Variants in BMPER observed in about 807,000 individuals in gnomAD.
BMPER encodes the protein BMP-binding endothelial regulator protein.
In BMPER, 45 loss-of-function variants were observed where a neutral mutation model predicts 87.3. The ratio of observed to expected loss-of-function variants is 0.52; its 90% CI spans 0.41 to 0.66. BMPER has a LOEUF of 0.66. BMPER is among the 30% of genes least tolerant of loss of function. The pLI, the probability that BMPER is intolerant of heterozygous loss-of-function variation, is 0.00. For missense variants in BMPER, 784 were observed against 867.5 expected (o/e 0.90, Z 1.21); for synonymous variants, 326 against 316.2 (o/e 1.03, Z -0.33).
intron 2 of BMPER, among the ~76,000 whole-genome samples, chr7:33,934,234 C>G (rs1174245835): frequency 6.6e-6 from 1 of 152,126 alleles, no homozygotes; most frequent in Non-Finnish European, 1.5e-5. Flanking sequence ...CTTAATTAAC[C>G]TGTGTTTGAA....
chr7:34,063,784 A>T (rs1032449835), intron 11 of BMPER, among the ~76,000 whole-genome samples: 1 of 152,176 alleles, frequency 6.6e-6, no homozygotes, highest in African/African-American at 2.4e-5. Flanking sequence ...AGCAGAATAG[A>T]GTCTACACTG....
chr7:33,994,233 G>T (rs1341556013), intron 6 of BMPER, among the ~76,000 whole-genome samples: 5 of 152,228 alleles, frequency 3.3e-5, no homozygotes, highest in Non-Finnish European at 5.9e-5. Context: ...CTGCCGCCTT[G>T]CAGTGTGATC....
intron 13 of BMPER, among the ~76,000 whole-genome samples, chr7:34,118,950 A>G (rs1252774325): frequency 6.7e-6 from 1 of 148,582 alleles, no homozygotes; most frequent in African/African-American, 2.5e-5. Flanking sequence ...AGCCCCCACA[A>G]TGTTGTCAAT....
intron 6 of BMPER, among the ~76,000 whole-genome samples, chr7:33,992,952 C>G (rs1446176162): frequency 3.5e-5 from 5 of 144,628 alleles, no homozygotes; most frequent in South Asian, 2.3e-4. Context: ...GGCCCCCACT[C>G]TCTTCTGGCT....
At chr7:34,056,616 CTTTTT>C (rs34663962) in intron 9 of BMPER, among the ~76,000 whole-genome samples, 4 of 131,168 alleles carry the variant, frequency 3.0e-5, no homozygotes, top group Non-Finnish European at 4.9e-5. Context: ...GTGCAATGCA[CTTTTT>C]TTTTTTTTTT....
At chr7:33,990,417 G>C in intron 6 of BMPER, among the ~76,000 whole-genome samples, 1 of 138,194 alleles carries the variant, frequency 7.2e-6, no homozygotes, top group Non-Finnish European at 1.6e-5. Context: ...CTCTCTGTTT[G>C]TCTGTTGTTG....
chr7:34,108,013 C>T (rs571219136), intron 13 of BMPER, among the ~76,000 whole-genome samples: 4 of 152,220 alleles, frequency 2.6e-5, no homozygotes, highest in Admixed American at 6.5e-5. Context: ...AAAAATGCTA[C>T]GCATGTATAC....
chr7:33,975,256 C>A (rs145834036), intron 6 of BMPER, among the ~76,000 whole-genome samples: 1 of 152,086 alleles, frequency 6.6e-6, no homozygotes, highest in Non-Finnish European at 1.5e-5. Flanking sequence ...CTGCTTGGTT[C>A]TTTAGTGCAG....
At chr7:33,908,366 A>C (rs1783873214) in intron 2 of BMPER, among the ~76,000 whole-genome samples, 1 of 152,238 alleles carries the variant, frequency 6.6e-6, no homozygotes, top group Admixed American at 6.5e-5. Context: ...CAGCAATATT[A>C]GTACTTATCA....
intron 11 of BMPER, among the ~76,000 whole-genome samples, chr7:34,064,201 G>A (rs1788515633): frequency 1.3e-5 from 2 of 151,642 alleles, no homozygotes; most frequent in Admixed American, 1.3e-4. Flanking sequence ...TGAGGCACAA[G>A]AATAGCTTGA....
intron 13 of BMPER, among the ~76,000 whole-genome samples, chr7:34,111,716 C>CT (rs77758212): frequency 4.1e-4 from 63 of 151,844 alleles, no homozygotes; most frequent in Non-Finnish European, 7.4e-4. Flanking sequence ...AAGAAAACAT[C>CT]TTTTTTTTTA....
intron 3 of BMPER, among the ~76,000 whole-genome samples, chr7:33,945,108 A>AT (rs1411033636): frequency 1.3e-5 from 2 of 151,240 alleles, no homozygotes; most frequent in Non-Finnish European, 2.9e-5. Flanking sequence ...CGCCCGGCTA[A>AT]TTTTTTGTAT....
At chr7:33,911,521 G>C (rs1430501863) in intron 2 of BMPER, among the ~76,000 whole-genome samples, 7 of 152,220 alleles carry the variant, frequency 4.6e-5, no homozygotes, top group African/African-American at 1.7e-4. Context: ...TAGTGGTTTT[G>C]ATCTTGCAAC....
intron 13 of BMPER, among the ~76,000 whole-genome samples, chr7:34,137,094 A>G (rs567996718): frequency 6.6e-6 from 1 of 152,360 alleles, no homozygotes; most frequent in South Asian, 2.1e-4. Flanking sequence ...AATAACATGA[A>G]AAACTATAGG....
chr7:34,056,487 G>A (rs534927780), intron 9 of BMPER, among the ~76,000 whole-genome samples: 2 of 152,238 alleles, frequency 1.3e-5, no homozygotes, highest in East Asian at 3.9e-4. Flanking sequence ...CATGTGTGTT[G>A]TGTTTACATC....
Position 33,936,138 on chromosome 7 carries a change from G to A in BMPER, c.220-1151G>A, listed in dbSNP as rs114488632. Among the ~76,000 whole-genome samples the A allele has an allele frequency of 9.8e-4, 149 of 152,274 alleles. 1 individual carries two copies. The highest frequency in any genetic ancestry group is 3.5e-3 in the African/African-American group (144 of 41,564). Reference sequence around the variant, plus strand: ...GATCTTCTTAGTCTCATGACATGGAGGCATACTGGGTACACTTGAGAATTT... The same window carrying A: ...GATCTTCTTAGTCTCATGACATGGAAGCATACTGGGTACACTTGAGAATTT... On this transcript the variant is annotated intron_variant, in intron 2 of 14. Coordinates refer to ENST00000649409, the MANE Select transcript of BMPER (RefSeq NM_001365308.1).
chr7:33,970,984 A>G (rs1785529912), intron 5 of BMPER, among the ~76,000 whole-genome samples: 1 of 152,200 alleles, frequency 6.6e-6, no homozygotes, highest in African/African-American at 2.4e-5. Flanking sequence ...GAACAGGATT[A>G]CAAAGGCCTC....
In BMPER at chr7:34,006,072, G is replaced by GATA. The variant is rs1253054423; in HGVS notation, c.576+31289_576+31291dup. On this transcript the variant is annotated intron_variant, in intron 6 of 14. Transcript: ENST00000649409. ...TTCCCCTGCATGCTTGACAACTCTA[G>GATA]ATATTATAATATGTATTACTTTACT... Among the ~76,000 whole-genome samples the GATA allele has an allele frequency of 2.0e-5, 3 of 151,960 alleles. No individual in the cohort carries two copies. In the East Asian group the frequency reaches 5.8e-4, roughly 30 times the overall value.
rs137948710 is a variant in BMPER, at chr7:34,152,972, T to C, written c.1877-120T>C. ...TCATTCTCTTGTTAAAATGCAAATG[T>C]GATCCTGAGCTATGGAAACGTCCAT... On this transcript the variant is annotated intron_variant, in intron 14 of 14. Coordinates refer to ENST00000649409, the MANE Select transcript of BMPER (RefSeq NM_001365308.1). 1.5e-5 allele frequency: 17 copies of C among 1,150,344 alleles called. No homozygotes were observed. The African/African-American group carries it at 2.0e-4, about 13-fold the overall frequency. The allele number at this position is 1,150,344 out of a possible 1,614,324, so 71.3% of individuals were successfully genotyped here.
Sources: gnomAD v4.1 joint callset for allele counts (sites outside exome capture counted in the v4.1 genomes callset) on GRCh38, gnomAD v4.1.1 for gene constraint, MANE v1.5 for transcripts, NCBI Gene and HGNC (gene_info 2026-07-23, HGNC 2026-07-21) for gene names.